CLIP3: variants seen among roughly 807,000 people sequenced by gnomAD.
CLIP3 encodes CAP-Gly domain containing linker protein 3, also known as CAP-Gly domain-containing linker protein 3.
Under a neutral mutation model 59.4 loss-of-function variants are expected in CLIP3, and 15 were observed. The observed-to-expected ratio is 0.25, with a 90% CI of 0.17 to 0.39. The LOEUF is 0.39. Ranked by LOEUF, CLIP3 falls within the 10% of genes least tolerant of loss-of-function variation. The pLI, the probability that CLIP3 is intolerant of heterozygous loss-of-function variation, is 1.00. For synonymous variants in CLIP3, 300 were observed against 321.6 expected, an observed-to-expected ratio of 0.93 and a Z score of 0.72; for missense variants, 495 against 765.7, an observed-to-expected ratio of 0.65 and a Z score of 4.17.
At position 36,016,030 on chromosome 19, in the gene CLIP3, G is replaced by T; in HGVS notation, c.*128C>A. 1 of 915,070 alleles carries T rather than the reference G, an allele frequency of 1.1e-6. No homozygotes were observed. Among genetic ancestry groups the T allele is most frequent in the Non-Finnish European group, 1.8e-6 (1 of 567,942 alleles). 56.7% of individuals were successfully genotyped at this position (915,070 alleles called of 1,614,324 possible). A position where few individuals can be genotyped will look rare whatever the true frequency, so the allele number is the denominator to read the frequency against. On this transcript the variant is annotated 3_prime_UTR_variant, in exon 14 of 14. Transcript: ENST00000360535. This position sits in a 1 kb window ranked among gnomAD's most constrained non-coding sequence, Gnocchi z 4.1. ...TAATAATGGGGCCTCAATGATCGAG[G>T]GCTGGCTAACAGGGGTCTCTACTCT...
At position 36,016,707 on chromosome 19, in the gene CLIP3, C is replaced by T; in HGVS notation, c.1589+200G>A. The T allele has an allele frequency of 1.7e-6, 1 of 602,644 alleles. No individual in the cohort carries two copies. The highest frequency in any genetic ancestry group is 3.0e-6 in the Non-Finnish European group (1 of 338,014). The allele number at this position is 602,644 out of a possible 1,614,324, so 37.3% of individuals were successfully genotyped here. A position where few individuals can be genotyped will look rare whatever the true frequency, so the allele number is the denominator to read the frequency against. On this transcript the variant is annotated intron_variant, in intron 13 of 13. Coordinates refer to ENST00000360535, the MANE Select transcript of CLIP3 (RefSeq NM_015526.3). The surrounding 1 kb of genome is among the most constrained non-coding windows in gnomAD (Gnocchi z 4.1). Reference sequence around the variant, plus strand: ...GGGTGTTCTGCTTCCTTTACCGGCCCACCCGAAAGTGGAATTCACTAGAAT... The same window carrying T: ...GGGTGTTCTGCTTCCTTTACCGGCCTACCCGAAAGTGGAATTCACTAGAAT...
chr19:36,025,624 G>A (rs965388625), intron 6 of CLIP3, among the ~76,000 whole-genome samples: 9 of 151,274 alleles, frequency 5.9e-5, no homozygotes, highest in Admixed American at 3.9e-4. Context: ...GAGAGTGAGA[G>A]TGGGCTCCTG....
In CLIP3 at chr19:36,017,431, A is replaced by G. The variant is rs760398078; in HGVS notation, c.1471T>C (p.Ser491Pro). 96 of 1,613,798 alleles carry G rather than the reference A, an allele frequency of 5.9e-5. No individual in the cohort carries two copies. Among genetic ancestry groups the G allele is most frequent in the Middle Eastern group, 1.6e-4 (1 of 6,082 alleles). ...TTGGCTCCAACGCTGTCCCCGGGGG[A>G]ATCAGTGGATCCGCCAATCCTGAGG... is the stretch of plus-strand genomic sequence containing the variant. ...RIQRIGGSTD[S>P]PGDSVGAKKV... Residue 491 changes from serine (S) to proline (P), a missense_variant, in exon 12 of 14, where the codon TCC becomes CCC. By Grantham distance (74) the Ser-to-Pro change is moderately conservative. Coordinates refer to ENST00000360535, the MANE Select transcript of CLIP3 (RefSeq NM_015526.3).
chr19:36,022,202 G>C (rs767352848), intron 7 of CLIP3, among the ~76,000 whole-genome samples: 1 of 152,194 alleles, frequency 6.6e-6, no homozygotes, highest in Non-Finnish European at 1.5e-5. Flanking sequence ...TCTTAAGAGT[G>C]TTGGTGGAGG....
At chr19:36,022,310 GC>G (rs1268923029) in intron 7 of CLIP3, among the ~76,000 whole-genome samples, 1 of 152,120 alleles carries the variant, frequency 6.6e-6, no homozygotes, top group Non-Finnish European at 1.5e-5. Context: ...ACCTCAACCA[GC>G]CCCCTAAGGT....
At chr19:36,017,242 T>G (rs746798757) in intron 12 of CLIP3, 144 bp downstream of exon 12, 7 of 876,138 alleles carry the variant, frequency 8.0e-6, no homozygotes, top group Non-Finnish European at 1.3e-5. Flanking sequence ...CCTATCTTTT[T>G]GTGGACCTTG....
chr19:36,017,077 C>T, intron 12 of CLIP3, 98 bp from the exon 13 acceptor site: 1 of 1,232,886 alleles, frequency 8.1e-7, no homozygotes, highest in Non-Finnish European at 1.2e-6. Flanking sequence ...CCCCATGTCT[C>T]CAGTCCCCAC....
Position 36,032,398 on chromosome 19 carries a change from G to A in CLIP3, c.-41C>T. 1 of 1,048,452 alleles carries A rather than the reference G, an allele frequency of 9.5e-7. No individual in the cohort carries two copies. Among genetic ancestry groups the A allele is most frequent in the Non-Finnish European group, 1.2e-6 (1 of 807,996 alleles). The allele number at this position is 1,048,452 out of a possible 1,614,324, so 64.9% of individuals were successfully genotyped here. A position where few individuals can be genotyped will look rare whatever the true frequency, so the allele number is the denominator to read the frequency against. On this transcript the variant is annotated 5_prime_UTR_variant, in exon 2 of 14. Transcript: ENST00000360535. This position sits in a 1 kb window ranked among gnomAD's most constrained non-coding sequence, Gnocchi z 4.3. ...TCGGGGGGCGGGTGCAGAGTTGGGG[G>A]CAGCCTTCAGGCAAATCCTGGAGGC...
Position 36,032,250 on chromosome 19 carries a change from C to G in CLIP3, c.108G>C (p.Glu36Asp). The change falls in exon 2 of 14, where the codon GAG becomes GAC. Residue 36 changes from glutamate (E) to aspartate (D), a missense_variant. By Grantham distance (45) the Glu-to-Asp change is conservative. Coordinates refer to ENST00000360535, the MANE Select transcript of CLIP3 (RefSeq NM_015526.3). This position sits in a 1 kb window ranked among gnomAD's most constrained non-coding sequence, Gnocchi z 4.3. ...PVPEAPSPTQ[E>D]RRQKPVVHPS... ...GGTGCACAACAGGCTTCTGCCGGCG[C>G]TCCTGGGTGGGGCTGGGGGCCTCGG... 1 of 1,306,594 alleles carries G rather than the reference C, an allele frequency of 7.7e-7. No homozygotes were observed. 80.9% of individuals were successfully genotyped at this position (1,306,594 alleles called of 1,614,324 possible).
At position 36,026,301 on chromosome 19, in the gene CLIP3, G is replaced by T; in HGVS notation, c.563-36C>A. 4 of 1,543,122 alleles carry T rather than the reference G, an allele frequency of 2.6e-6. No individual in the cohort carries two copies. The highest frequency in any genetic ancestry group is 2.7e-6 in the Non-Finnish European group (3 of 1,118,008). On this transcript the variant is annotated intron_variant, in intron 5 of 13. Coordinates refer to ENST00000360535, the MANE Select transcript of CLIP3 (RefSeq NM_015526.3). This position sits in a 1 kb window ranked among gnomAD's most constrained non-coding sequence, Gnocchi z 6.3. ...GCAAGAGGAGGGGTTCCGGGTGAGC[G>T]CCTGTGGGACCCCAGCCCTCCTCCC...
intron 2 of CLIP3, among the ~76,000 whole-genome samples, chr19:36,030,584 A>G (rs1465552204): frequency 1.3e-5 from 2 of 152,116 alleles, no homozygotes; most frequent in Non-Finnish European, 2.9e-5. Context: ...CCCAGTACCC[A>G]GAGGGAGCTT....
intron 2 of CLIP3, among the ~76,000 whole-genome samples, chr19:36,028,427 C>T (rs866766599): frequency 1.3e-5 from 2 of 152,174 alleles, no homozygotes; most frequent in East Asian, 3.8e-4. Context: ...AGGGTGGTGC[C>T]TAGAGGCACT....
Position 36,016,327 on chromosome 19 carries a change from T to C in CLIP3, c.1590-115A>G. On this transcript the variant is annotated intron_variant, in intron 13 of 13. Coordinates refer to ENST00000360535, the MANE Select transcript of CLIP3 (RefSeq NM_015526.3). This position sits in a 1 kb window ranked among gnomAD's most constrained non-coding sequence, Gnocchi z 4.1. ...ATCAGGCCTTTCTGGATTCTGCCTCTACCTCTCTGGCTGTGGTTTGTTTGT... is the reference window on the plus strand; with the variant it reads ...ATCAGGCCTTTCTGGATTCTGCCTCCACCTCTCTGGCTGTGGTTTGTTTGT... 1.7e-6 allele frequency: 2 copies of C among 1,148,912 alleles called. No homozygotes were observed. The highest frequency in any genetic ancestry group is 2.6e-5 in the South Asian group (2 of 77,404). The allele number at this position is 1,148,912 out of a possible 1,614,324, so 71.2% of individuals were successfully genotyped here. A position where few individuals can be genotyped will look rare whatever the true frequency, so the allele number is the denominator to read the frequency against.
intron 9 of CLIP3, 42 bp downstream of exon 9, chr19:36,018,856 C>A (rs1252037974): frequency 1.3e-6 from 2 of 1,593,954 alleles, no homozygotes; most frequent in Non-Finnish European, 1.7e-6. Context: ...CACACAACAT[C>A]CCCAAACTGG....
In CLIP3 at chr19:36,024,325, G is replaced by C; in HGVS notation, c.918+71C>G. 2.2e-6 allele frequency: 3 copies of C among 1,343,582 alleles called. No individual in the cohort carries two copies. In the Admixed American group the frequency reaches 5.4e-5, roughly 24 times the overall value. The allele number at this position is 1,343,582 out of a possible 1,614,324, so 83.2% of individuals were successfully genotyped here. A position where few individuals can be genotyped will look rare whatever the true frequency, so the allele number is the denominator to read the frequency against. On this transcript the variant is annotated intron_variant, in intron 7 of 13. Coordinates refer to ENST00000360535, the MANE Select transcript of CLIP3 (RefSeq NM_015526.3). Reference sequence around the variant, plus strand: ...CAGGGACTGCACTCTGCCCGAGGACGCAGCTCCAAGGGATTAAGGGGCTGA... The same window carrying C: ...CAGGGACTGCACTCTGCCCGAGGACCCAGCTCCAAGGGATTAAGGGGCTGA...
chr19:36,026,918 T>A lies in CLIP3; in HGVS notation c.400+34A>T. 6.6e-7 allele frequency: 1 copy of A among 1,526,664 alleles called. No homozygotes were observed. Among genetic ancestry groups the A allele is most frequent in the Non-Finnish European group, 8.8e-7 (1 of 1,140,808 alleles). The allele number at this position is 1,526,664 out of a possible 1,614,324, so 94.6% of individuals were successfully genotyped here. On this transcript the variant is annotated intron_variant, in intron 4 of 13. Coordinates refer to ENST00000360535, the MANE Select transcript of CLIP3 (RefSeq NM_015526.3). This position sits in a 1 kb window ranked among gnomAD's most constrained non-coding sequence, Gnocchi z 6.3. The stretch of plus-strand genomic sequence containing the variant: ...GTGTTGGGTCTGGGGGCCTAGGCTT[T>A]GGGGCTTATGACTTGGGGGTAGGGG...
intron 6 of CLIP3, among the ~76,000 whole-genome samples, chr19:36,025,238 G>T (rs1969070491): frequency 1.3e-5 from 2 of 152,090 alleles, no homozygotes; most frequent in South Asian, 4.1e-4. Flanking sequence ...CCCTCAGGGA[G>T]GCAATCTCTG....
Position 36,024,468 on chromosome 19 carries a change from G to T in CLIP3, c.846C>A (p.Asn282Lys). The part of the protein sequence containing the change: ...LPKVTLPNYD[N>K]VPGNLMLSAL... The stretch of plus-strand genomic sequence containing the variant: ...CGCTAAGCATGAGATTGCCTGGGAC[G>T]TTGTCATAGTTGGGTAGCGTGACCT... The change falls in exon 7 of 14, where the codon AAC (asparagine) becomes AAA (lysine). Residue 282 changes from asparagine (N) to lysine (K), a missense_variant. Around this residue, in one of 5 missense-constraint regions of CLIP3, gnomAD observed 194 missense variants for 327.8 expected, o/e 0.59. Coordinates refer to ENST00000360535, the MANE Select transcript of CLIP3 (RefSeq NM_015526.3). 6.2e-7 allele frequency: 1 copy of T among 1,614,242 alleles called. No homozygotes were observed. The highest frequency in any genetic ancestry group is 8.5e-7 in the Non-Finnish European group (1 of 1,180,044).
intron 7 of CLIP3, among the ~76,000 whole-genome samples, chr19:36,022,648 G>A (rs1300846554): frequency 2.0e-5 from 3 of 152,198 alleles, no homozygotes; most frequent in African/African-American, 7.2e-5. Context: ...GGGGCCGGGC[G>A]CAGTGGCTTA....
Sources: gnomAD v4.1 joint callset for allele counts (sites outside exome capture counted in the v4.1 genomes callset) on GRCh38, gnomAD v4.1.1 for gene constraint, gnomAD v4.1.1 regional missense constraint, Gnocchi (gnomAD v3.1) non-coding constraint, MANE v1.5 for transcripts, NCBI Gene and HGNC (gene_info 2026-07-23, HGNC 2026-07-21) for gene names.